Variants in SEC24B observed in about 807,000 individuals in gnomAD.
SEC24B encodes protein transport protein Sec24B.
In SEC24B, 45 loss-of-function variants were observed where a neutral mutation model predicts 142.8. That is an observed-to-expected ratio of 0.32 (90% CI 0.25 to 0.40). SEC24B has a LOEUF of 0.40. SEC24B is among the 10% of genes least tolerant of loss of function. SEC24B has a pLI of 1.00. For synonymous variants in SEC24B, 574 were observed against 568.2 expected (o/e 1.01, Z -0.15); for missense variants, 1,409 against 1,526.8 (o/e 0.92, Z 1.29).
intron 4 of SEC24B, among the ~76,000 whole-genome samples, chr4:109,485,074 C>T (rs999089153): frequency 1.2e-4 from 18 of 152,118 alleles, no homozygotes; most frequent in Middle Eastern, 3.4e-3. Context: ...ACTCACATCC[C>T]GACTTTTCAC....
At chr4:109,506,301 T>A in intron 6 of SEC24B, 27 bp from the exon 7 acceptor site, 1 of 1,446,000 alleles carries the variant, frequency 6.9e-7, no homozygotes, top group Non-Finnish European at 9.1e-7. Context: ...TATTGTTCTT[T>A]TATTTTGTTT....
intron 6 of SEC24B, among the ~76,000 whole-genome samples, chr4:109,505,761 T>A (rs1456874934): frequency 6.6e-6 from 1 of 152,138 alleles, no homozygotes; most frequent in Non-Finnish European, 1.5e-5. Context: ...AAGGAAACTA[T>A]CAAAGGCTAG....
intron 1 of SEC24B, among the ~76,000 whole-genome samples, chr4:109,446,913 G>C (rs1729528410): frequency 6.6e-6 from 1 of 152,170 alleles, no homozygotes; most frequent in Admixed American, 6.5e-5. Flanking sequence ...TTGGGGGATA[G>C]GATAGAGCTA....
At chr4:109,484,851 C>CAAAA (rs36027800) in intron 4 of SEC24B, among the ~76,000 whole-genome samples, 2 of 72,732 alleles carry the variant, frequency 2.7e-5, no homozygotes, top group Non-Finnish European at 5.9e-5. Context: ...GACTCTGTCT[C>CAAAA]AAAAAAAAAA....
chr4:109,521,576 G>A lies in SEC24B; in HGVS notation c.2458G>A (p.Ala820Thr), dbSNP rs371546007. The change falls in exon 14 of 24, where the codon GCA (alanine) becomes ACA (threonine). Residue 820 changes from alanine (A) to threonine (T), a missense_variant. Ala to Thr is a moderately conservative substitution (Grantham distance 58, BLOSUM62 0). This residue lies in a region of SEC24B where 700 missense variants were observed against 853.3 expected (regional missense o/e 0.82). Coordinates refer to ENST00000265175, the MANE Select transcript of SEC24B (RefSeq NM_006323.5). Reference sequence around the variant, plus strand: ...TCAGACACAGTTACCTTCCTTGGGTGCAGGACTTCTGCAATCCAGAGAAGA... The same window carrying A: ...TCAGACACAGTTACCTTCCTTGGGTACAGGACTTCTGCAATCCAGAGAAGA... ...VFQTQLPSLGAGLLQSREDPN... is the reference protein window; with the variant it reads ...VFQTQLPSLGTGLLQSREDPN... 1.2e-6 allele frequency: 2 copies of A among 1,613,878 alleles called. No individual in the cohort carries two copies. Among genetic ancestry groups the A allele is most frequent in the Non-Finnish European group, 1.7e-6 (2 of 1,179,944 alleles).
At chr4:109,466,604 G>T (rs1399495215) in intron 2 of SEC24B, among the ~76,000 whole-genome samples, 1 of 152,144 alleles carries the variant, frequency 6.6e-6, no homozygotes, top group Non-Finnish European at 1.5e-5. Context: ...TAGAGACAGG[G>T]TTTCACCATG....
intron 5 of SEC24B, among the ~76,000 whole-genome samples, chr4:109,492,528 C>T (rs530705797): frequency 3.3e-5 from 5 of 152,302 alleles, no homozygotes; most frequent in Admixed American, 1.3e-4. Context: ...TTCATTCAGT[C>T]AACGAATTCT....
At position 109,531,274 on chromosome 4, in the gene SEC24B, C is replaced by T; in HGVS notation, c.3253-111C>T. The T allele has an allele frequency of 3.5e-6, 3 of 863,364 alleles. No individual in the cohort carries two copies. In the South Asian group the frequency reaches 5.4e-5, roughly 15 times the overall value. The allele number at this position is 863,364 out of a possible 1,614,324, so 53.5% of individuals were successfully genotyped here. On this transcript the variant is annotated intron_variant, in intron 19 of 23. Transcript: ENST00000265175. Reference sequence around the variant, plus strand: ...TCAGAGCTGAGAATTGAATCTAGGTCTGTCTGATTTAAAGGCCATGCTTTT... The same window carrying T: ...TCAGAGCTGAGAATTGAATCTAGGTTTGTCTGATTTAAAGGCCATGCTTTT...
At position 109,530,273 on chromosome 4, in the gene SEC24B, T is replaced by G; in HGVS notation, c.3077-16T>G. ...TTCTAATGGTTAAAATACCTTTCACTTTGGTTGCTTTTTAGCTGTGGATCG... is the reference window on the plus strand; with the variant it reads ...TTCTAATGGTTAAAATACCTTTCACGTTGGTTGCTTTTTAGCTGTGGATCG... On this transcript the variant is annotated splice_polypyrimidine_tract_variant and intron_variant, in intron 18 of 23. Coordinates refer to ENST00000265175, the MANE Select transcript of SEC24B (RefSeq NM_006323.5). The G allele has an allele frequency of 6.2e-7, 1 of 1,603,982 alleles. No individual in the cohort carries two copies. Among genetic ancestry groups the G allele is most frequent in the South Asian group, 1.1e-5 (1 of 90,186 alleles).
intron 16 of SEC24B, among the ~76,000 whole-genome samples, chr4:109,525,945 A>G (rs1180638748): frequency 1.3e-5 from 2 of 152,076 alleles, no homozygotes; most frequent in East Asian, 1.9e-4. Flanking sequence ...AATTTTGTAA[A>G]TTAAATGTTT....
intron 1 of SEC24B, among the ~76,000 whole-genome samples, chr4:109,441,977 G>A (rs1728970740): frequency 6.6e-6 from 1 of 152,166 alleles, no homozygotes; most frequent in Non-Finnish European, 1.5e-5. Context: ...CTCTATAACT[G>A]TTATCCTTGC....
At chr4:109,536,751 G>A (rs1053165521) in intron 22 of SEC24B, among the ~76,000 whole-genome samples, 4 of 151,710 alleles carry the variant, frequency 2.6e-5, no homozygotes, top group African/African-American at 9.7e-5. Flanking sequence ...GGATGGTCTC[G>A]ATCTCCTGAC....
At chr4:109,476,169 T>C (rs946422893) in intron 3 of SEC24B, among the ~76,000 whole-genome samples, 8 of 152,068 alleles carry the variant, frequency 5.3e-5, no homozygotes, top group Non-Finnish European at 1.2e-4. Flanking sequence ...GTATTTTTAG[T>C]AGAGACGGGG....
intron 4 of SEC24B, among the ~76,000 whole-genome samples, chr4:109,489,266 G>A (rs1027010368): frequency 2.0e-5 from 3 of 151,960 alleles, no homozygotes; most frequent in African/African-American, 7.3e-5. Flanking sequence ...GTTAGTTGTG[G>A]TGTAGGGAAG....
intron 1 of SEC24B, among the ~76,000 whole-genome samples, chr4:109,442,331 T>C (rs1238155462): frequency 1.3e-5 from 2 of 152,182 alleles, no homozygotes; most frequent in Non-Finnish European, 2.9e-5. Flanking sequence ...AGCAGGGGAA[T>C]AGGACCATGG....
chr4:109,510,110 C>A lies in SEC24B; in HGVS notation c.1775C>A (p.Thr592Lys). The change falls in exon 8 of 24, where the codon ACG (threonine) becomes AAG (lysine). Residue 592 changes from threonine (T) to lysine (K), a missense_variant and splice_region_variant. Transcript: ENST00000265175. ...TTGTTACATCCCTTCAGAGACCTAA[C>A]GGTAAAGTAACATTTTATAATATTT... ...GLLLHPFRDL[T>K]QLPVITSNTI... The A allele has an allele frequency of 1.3e-6, 2 of 1,548,254 alleles. No individual in the cohort carries two copies. Among genetic ancestry groups the A allele is most frequent in the Non-Finnish European group, 1.8e-6 (2 of 1,129,984 alleles).
At chr4:109,494,877 A>T (rs1424303904) in intron 6 of SEC24B, 21 bp downstream of exon 6, 1 of 1,610,180 alleles carries the variant, frequency 6.2e-7, no homozygotes, top group Non-Finnish European at 8.5e-7. Flanking sequence ...AGTCATATAC[A>T]CACATTGTAA....
At chr4:109,493,318 AAG>A (rs1735207255) in intron 5 of SEC24B, among the ~76,000 whole-genome samples, 1 of 152,174 alleles carries the variant, frequency 6.6e-6, no homozygotes, top group Non-Finnish European at 1.5e-5. Context: ...AAATGTTTCT[AAG>A]AATATATTTT....
intron 6 of SEC24B, among the ~76,000 whole-genome samples, chr4:109,498,726 C>T (rs1187705478): frequency 6.6e-6 from 1 of 152,138 alleles, no homozygotes; most frequent in African/African-American, 2.4e-5. Flanking sequence ...ACAGTCTTAA[C>T]AGTCATAATA....
Sources: gnomAD v4.1 joint callset for allele counts (sites outside exome capture counted in the v4.1 genomes callset) on GRCh38, gnomAD v4.1.1 for gene constraint, gnomAD v4.1.1 regional missense constraint, MANE v1.5 for transcripts, NCBI Gene and HGNC (gene_info 2026-07-23, HGNC 2026-07-21) for gene names.